The following PFKP variants were observed in gnomAD, a reference collection of about 807,000 sequenced individuals.
PFKP encodes the protein ATP-dependent 6-phosphofructokinase, platelet type.
Under a neutral mutation model 94.3 loss-of-function variants are expected in PFKP, and 101 were observed. That is an observed-to-expected ratio of 1.07 (90% CI 0.91 to 1.26). The LOEUF (loss-of-function observed/expected upper bound fraction) is 1.26. PFKP is among the 50% of genes most tolerant of loss of function. PFKP has a pLI of 0.00. For missense variants in PFKP, 1,145 were observed against 1,103.3 expected (o/e 1.04, Z -0.53); for synonymous variants, 573 against 432.6 (o/e 1.32, Z -4.03).
chr10:3,096,445 G>C (rs1417342308), intron 2 of PFKP, among the ~76,000 whole-genome samples: 1 of 152,284 alleles, frequency 6.6e-6, no homozygotes, highest in East Asian at 1.9e-4. Context: ...GGAACTGTCT[G>C]TTTCAGTTTT....
intron 14 of PFKP, 58 bp from the exon 15 acceptor site, chr10:3,118,724 C>CCGCGGACCGCG: frequency 2.3e-6 from 3 of 1,282,882 alleles, no homozygotes; most frequent in South Asian, 1.2e-5. Context: ...GCGTGGCGTC[C>CCGCGGACCGCG]TGCGGACCGC....
At chr10:3,099,917 G>C (rs1430246676) in intron 3 of PFKP, among the ~76,000 whole-genome samples, 1 of 151,866 alleles carries the variant, frequency 6.6e-6, no homozygotes, top group African/African-American at 2.4e-5. Flanking sequence ...GTGTGTGTCT[G>C]TATGTAGGTG....
intron 21 of PFKP, among the ~76,000 whole-genome samples, chr10:3,136,047 CA>C (rs1839259322): frequency 3.9e-5 from 6 of 152,132 alleles, no homozygotes; most frequent in Admixed American, 3.3e-4. Flanking sequence ...AGGTGGATCA[CA>C]AGGTCAAGAG....
intron 10 of PFKP, among the ~76,000 whole-genome samples, chr10:3,110,813 A>C (rs1836132960): frequency 6.7e-6 from 1 of 150,330 alleles, no homozygotes; most frequent in Non-Finnish European, 1.5e-5. Flanking sequence ...TTTGTGAGGT[A>C]GTTTGGGTCT....
intron 13 of PFKP, among the ~76,000 whole-genome samples, chr10:3,116,413 G>A (rs1396530352): frequency 6.6e-6 from 1 of 152,144 alleles, no homozygotes; most frequent in African/African-American, 2.4e-5. Flanking sequence ...TCCCTAGTTT[G>A]TAAGAAAAGA....
In PFKP at chr10:3,108,795, T is replaced by C. The variant is rs111647800; in HGVS notation, c.963+2T>C. 1 of 1,605,036 alleles carries C rather than the reference T, an allele frequency of 6.2e-7. No homozygotes were observed. Among genetic ancestry groups the C allele is most frequent in the African/African-American group, 1.3e-5 (1 of 74,786 alleles). The stretch of plus-strand genomic sequence containing the variant: ...CCTTCGGCATTCGACAGGATCTTGG[T>C]GAGTTGGGAAGGGTTGGGCATCTTC... On this transcript the variant is annotated splice_donor_variant, in intron 9 of 21. Transcript: ENST00000381125. LOFTEE classifies it high-confidence loss of function.
At chr10:3,072,765 G>A (rs1221520401) in intron 1 of PFKP, among the ~76,000 whole-genome samples, 1 of 151,836 alleles carries the variant, frequency 6.6e-6, no homozygotes, top group African/African-American at 2.4e-5. Flanking sequence ...AAATAATTAG[G>A]GCTCTACCAA....
chr10:3,109,361 C>T lies in PFKP; in HGVS notation c.970C>T (p.Arg324Cys). 1 of 1,609,938 alleles carries T rather than the reference C, an allele frequency of 6.2e-7. No homozygotes were observed. The highest frequency in any genetic ancestry group is 8.5e-7 in the Non-Finnish European group (1 of 1,180,014). ...PSAFDRILASRMGVEAVIALL... is the reference protein window; with the variant it reads ...PSAFDRILASCMGVEAVIALL... Reference sequence around the variant, plus strand: ...ACATGGACCTGGTTTCCAGGCCAGCCGCATGGGAGTGGAGGCAGTCATCGC... The same window carrying T: ...ACATGGACCTGGTTTCCAGGCCAGCTGCATGGGAGTGGAGGCAGTCATCGC... The change falls in exon 10 of 22, where the codon CGC becomes TGC. Residue 324 changes from arginine (R) to cysteine (C), a missense_variant. Physicochemically the swap from Arg to Cys is radical, Grantham distance 180. Around this residue, in one of 3 missense-constraint regions of PFKP, gnomAD observed 1,119 missense variants for 1,062.8 expected, o/e 1.05. Coordinates refer to ENST00000381125, the MANE Select transcript of PFKP (RefSeq NM_002627.5).
intron 1 of PFKP, among the ~76,000 whole-genome samples, chr10:3,077,167 G>A (rs1400480914): frequency 6.6e-6 from 1 of 152,030 alleles, no homozygotes; most frequent in Non-Finnish European, 1.5e-5. Context: ...GAGAGGGCGA[G>A]GCAGGGAGCT....
At chr10:3,122,002 C>A (rs7913100) in intron 16 of PFKP, among the ~76,000 whole-genome samples, 1 of 151,360 alleles carries the variant, frequency 6.6e-6, no homozygotes, top group African/African-American at 2.4e-5. Flanking sequence ...TTTGTATTTC[C>A]ATAGAGACGG....
rs149597859 is a variant in PFKP at position 3,106,063 on chromosome 10, C to CGT, written c.774+563_774+564dup. Among the ~76,000 whole-genome samples, 12 of 152,318 alleles carry CGT rather than the reference C, an allele frequency of 7.9e-5. 2 individuals are homozygous for CGT. Among genetic ancestry groups the CGT allele is most frequent in the African/African-American group, 2.9e-4 (12 of 41,568 alleles). ...GTCTGGGCCCTGTGTCCGCTCACGC[C>CGT]GTTTTCTCTCTCCCGACTCTCTGCT... On this transcript the variant is annotated intron_variant, in intron 7 of 21. Coordinates refer to ENST00000381125, the MANE Select transcript of PFKP (RefSeq NM_002627.5).
At chr10:3,124,914 T>G (rs375112267) in intron 16 of PFKP, among the ~76,000 whole-genome samples, 110 of 152,268 alleles carry the variant, frequency 7.2e-4, no homozygotes, top group African/African-American at 2.3e-3. Context: ...GCCCCCTGTG[T>G]TGCTGGGGCC....
At chr10:3,101,163 G>A (rs972735768) in intron 3 of PFKP, among the ~76,000 whole-genome samples, 9 of 152,160 alleles carry the variant, frequency 5.9e-5, no homozygotes, top group African/African-American at 2.2e-4. Flanking sequence ...TGGGTGTCAC[G>A]CGCCTGTCTT....
intron 2 of PFKP, among the ~76,000 whole-genome samples, chr10:3,098,672 CAA>C (rs5782682): frequency 0.19 from 20,253 of 107,222 alleles, 1,790 homozygotes; most frequent in East Asian, 0.27. Flanking sequence ...GACTCCGTCT[CAA>C]AAAAAAAAAA....
intron 14 of PFKP, 138 bp downstream of exon 14, chr10:3,116,984 G>A (rs546267408): frequency 5.7e-5 from 41 of 722,440 alleles, no homozygotes; most frequent in African/African-American, 3.8e-4. Context: ...GGCAGTTACC[G>A]GTCCTCCCTC....
rs569308960 is a variant in PFKP at position 3,098,004 on chromosome 10, G to A, written c.187-1271G>A. 7.2e-5 allele frequency among the ~76,000 whole-genome samples: 11 copies of A among 151,796 alleles called. 1 individual carries two copies. In the East Asian group the frequency reaches 1.2e-3, roughly 16 times the overall value. ...AGCCTGGGCAACAGAGCAAGACTCT[G>A]TCTCAAAAATAAAATAAAATAAACA... On this transcript the variant is annotated intron_variant, in intron 2 of 21. Coordinates refer to ENST00000381125, the MANE Select transcript of PFKP (RefSeq NM_002627.5).
At chr10:3,120,806 T>C (rs7083310) in intron 16 of PFKP, among the ~76,000 whole-genome samples, 69,794 of 151,926 alleles carry the variant, frequency 0.46, 15,967 homozygotes, top group East Asian at 0.48. Context: ...ACCACAGGCA[T>C]GTGCCACCAT....
chr10:3,114,863 G>A (rs908088145), intron 13 of PFKP, among the ~76,000 whole-genome samples: 4 of 152,240 alleles, frequency 2.6e-5, no homozygotes, highest in Admixed American at 6.5e-5. Flanking sequence ...CGAAGGTCCT[G>A]AGCAGGGACT....
chr10:3,076,103 AATT>A lies in PFKP; in HGVS notation c.113-6281_113-6279del, dbSNP rs1156747974. 2.0e-5 allele frequency among the ~76,000 whole-genome samples: 3 copies of A among 152,028 alleles called. No individual in the cohort carries two copies. The East Asian group carries it at 5.8e-4, about 29-fold the overall frequency. On this transcript the variant is annotated intron_variant, in intron 1 of 21. Transcript: ENST00000381125. Reference sequence around the variant, plus strand: ...TCAATCCACTATTTTGATAACAATCAATTATTGTAGATTATTCATATTTTACAC... The same window carrying A: ...TCAATCCACTATTTTGATAACAATCAATTGTAGATTATTCATATTTTACAC...
Sources: allele counts gnomAD v4.1 joint callset (sites outside exome capture counted in the v4.1 genomes callset), GRCh38; gene constraint gnomAD v4.1.1; regional missense constraint gnomAD v4.1.1; transcripts MANE v1.5; gene names NCBI Gene and HGNC (gene_info 2026-07-23, HGNC 2026-07-21).